Variants in PHACTR4 observed in about 807,000 individuals in gnomAD.
PHACTR4 encodes the protein phosphatase and actin regulator 4, also known as protein phosphatase 1, regulatory subunit 124.
A neutral mutation model predicts 72.7 loss-of-function variants in PHACTR4; 51 were observed. That is an observed-to-expected ratio of 0.70 (90% CI 0.56 to 0.89). The LOEUF (loss-of-function observed/expected upper bound fraction) is 0.89, where lower values mean the gene tolerates loss of function less well. Among genes scored for constraint, PHACTR4 ranks in the 40% least tolerant of loss-of-function variants. PHACTR4 has a pLI of 0.00. For synonymous variants in PHACTR4, 255 were observed against 302.5 expected, an observed-to-expected ratio of 0.84 and a Z score of 1.63; for missense variants, 731 against 861.8, an observed-to-expected ratio of 0.85 and a Z score of 1.90.
At chr1:28,457,092 C>T (rs189468205) in intron 2 of PHACTR4, among the ~76,000 whole-genome samples, 1 of 152,170 alleles carries the variant, frequency 6.6e-6, no homozygotes, top group Admixed American at 6.5e-5. Context: ...GCTATTTTGC[C>T]TAAGTCTTCT....
chr1:28,419,646 C>G (rs930605197), intron 2 of PHACTR4, among the ~76,000 whole-genome samples: 2 of 151,966 alleles, frequency 1.3e-5, no homozygotes, highest in Non-Finnish European at 2.9e-5. Context: ...CTTGATAGGT[C>G]AAAAACTAGA....
At chr1:28,468,719 A>G (rs936010537) in intron 6 of PHACTR4, among the ~76,000 whole-genome samples, 1 of 152,182 alleles carries the variant, frequency 6.6e-6, no homozygotes, top group African/African-American at 2.4e-5. Context: ...AGGATCACCT[A>G]GAAAGCTTAT....
chr1:28,481,174 A>G (rs916622535), intron 9 of PHACTR4, among the ~76,000 whole-genome samples: 15 of 152,018 alleles, frequency 9.9e-5, no homozygotes, highest in Non-Finnish European at 1.6e-4. Flanking sequence ...GTCCTCAGGC[A>G]TGCGCCACCA....
intron 1 of PHACTR4, among the ~76,000 whole-genome samples, chr1:28,380,447 G>T (rs1652076681): frequency 6.6e-6 from 1 of 152,034 alleles, no homozygotes; most frequent in South Asian, 2.1e-4. Context: ...ATATTATTTT[G>T]TCACTCAGGT....
chr1:28,483,831 A>G (rs1660449771), intron 9 of PHACTR4, among the ~76,000 whole-genome samples: 1 of 151,446 alleles, frequency 6.6e-6, no homozygotes, highest in Admixed American at 6.6e-5. Context: ...AGAGAGATAA[A>G]TCAGCCATAA....
chr1:28,435,640 G>A (rs1242517334), intron 2 of PHACTR4, among the ~76,000 whole-genome samples: 1 of 152,186 alleles, frequency 6.6e-6, no homozygotes, highest in Non-Finnish European at 1.5e-5. Context: ...CTTGTCTAGT[G>A]TTAACACTTA....
chr1:28,406,715 C>T (rs1266532727), intron 1 of PHACTR4, among the ~76,000 whole-genome samples: 2 of 152,154 alleles, frequency 1.3e-5, no homozygotes, highest in African/African-American at 2.4e-5. Flanking sequence ...ATAAAAACCA[C>T]AGGAGGAGTA....
At chr1:28,390,838 G>A (rs1652955593) in intron 1 of PHACTR4, among the ~76,000 whole-genome samples, 1 of 151,864 alleles carries the variant, frequency 6.6e-6, no homozygotes, top group Non-Finnish European at 1.5e-5. Flanking sequence ...GTTCAAGCCT[G>A]TAACACAGCA....
At chr1:28,392,231 G>A (rs780391315) in intron 1 of PHACTR4, among the ~76,000 whole-genome samples, 26 of 151,868 alleles carry the variant, frequency 1.7e-4, no homozygotes, top group Non-Finnish European at 5.9e-5. Context: ...CTCTTTGCTC[G>A]GTGTCTCCAC....
intron 1 of PHACTR4, among the ~76,000 whole-genome samples, chr1:28,399,365 T>G (rs1653775966): frequency 6.6e-6 from 1 of 152,196 alleles, no homozygotes; most frequent in African/African-American, 2.4e-5. Flanking sequence ...CTGCTGTGTA[T>G]AAATATTTTT....
chr1:28,409,264 G>A (rs1345267371), intron 2 of PHACTR4, among the ~76,000 whole-genome samples: 1 of 151,714 alleles, frequency 6.6e-6, no homozygotes, highest in Non-Finnish European at 1.5e-5. Context: ...GCCTCCCACT[G>A]TGTTTGGATG....
At chr1:28,397,075 A>G (rs1452538703) in intron 1 of PHACTR4, among the ~76,000 whole-genome samples, 1 of 152,010 alleles carries the variant, frequency 6.6e-6, no homozygotes, top group Non-Finnish European at 1.5e-5. Flanking sequence ...TTTAGGTTTC[A>G]TTATCTTGAT....
At chr1:28,432,123 C>T (rs1483003347) in intron 2 of PHACTR4, among the ~76,000 whole-genome samples, 3 of 152,048 alleles carry the variant, frequency 2.0e-5, no homozygotes, top group African/African-American at 7.2e-5. Context: ...GCAGGAGAAT[C>T]ACTTGAACCC....
At chr1:28,464,447 G>A (rs1388601116) in intron 4 of PHACTR4, among the ~76,000 whole-genome samples, 2 of 152,164 alleles carry the variant, frequency 1.3e-5, no homozygotes, top group Non-Finnish European at 2.9e-5. Flanking sequence ...AGGCATGGTG[G>A]TGTGTGCTAT....
At chr1:28,462,286 G>A (rs766260347) in intron 4 of PHACTR4, among the ~76,000 whole-genome samples, 2 of 152,068 alleles carry the variant, frequency 1.3e-5, no homozygotes, top group African/African-American at 4.8e-5. Flanking sequence ...TGGGATTACA[G>A]GCGTGAGCCA....
intron 4 of PHACTR4, 54 bp from the exon 5 acceptor site, chr1:28,465,627 CTTCT>C (rs1659107662): frequency 1.3e-6 from 2 of 1,500,044 alleles, no homozygotes; most frequent in Non-Finnish European, 1.8e-6. Flanking sequence ...ATTACTAACT[CTTCT>C]TTCTATCTGT....
rs1260317606 is a variant in PHACTR4 at position 28,369,765 on chromosome 1, C to T, written c.-99C>T. 2.2e-6 allele frequency: 1 copy of T among 449,698 alleles called. No individual in the cohort carries two copies. Among genetic ancestry groups the T allele is most frequent in the Non-Finnish European group, 4.4e-6 (1 of 225,520 alleles). 27.9% of individuals were successfully genotyped at this position (449,698 alleles called of 1,614,324 possible). On this transcript the variant is annotated 5_prime_UTR_variant, in exon 1 of 14. Transcript: ENST00000373839. ...CGGCTGCTGCCTGGCGGCCAACGGG[C>T]CAGGTAGGATTTCCGGGAGAGGCTG...
chr1:28,390,986 T>C (rs1238002456), intron 1 of PHACTR4, among the ~76,000 whole-genome samples: 1 of 150,900 alleles, frequency 6.6e-6, no homozygotes, highest in Non-Finnish European at 1.5e-5. Context: ...TCCCAGCTAC[T>C]TGGGAGGCTG....
intron 1 of PHACTR4, among the ~76,000 whole-genome samples, chr1:28,388,709 G>A (rs764046605): frequency 6.6e-6 from 1 of 152,246 alleles, no homozygotes; most frequent in East Asian, 1.9e-4. Context: ...AATTAGCTGG[G>A]CGTGGTGGTG....
Sources: allele counts gnomAD v4.1 joint callset (sites outside exome capture counted in the v4.1 genomes callset), GRCh38; gene constraint gnomAD v4.1.1; transcripts MANE v1.5; gene names NCBI Gene and HGNC (gene_info 2026-07-23, HGNC 2026-07-21).